Variants in CD6 observed in about 807,000 individuals in gnomAD.
The protein encoded by CD6 is T-cell differentiation antigen CD6.
CD6 carries 53 observed loss-of-function variants against 75.3 expected under a neutral mutation model. The observed-to-expected ratio is 0.70, with a 90% CI of 0.56 to 0.88. The LOEUF is 0.88. Ranked by LOEUF, CD6 falls within the 40% of genes least tolerant of loss-of-function variation. CD6 has a pLI of 0.00. For missense variants in CD6, 770 were observed against 897.1 expected (o/e 0.86, Z 1.81); for synonymous variants, 359 against 381.5 (o/e 0.94, Z 0.69).
intron 1 of CD6, among the ~76,000 whole-genome samples, chr11:60,977,645 C>CT (rs796273504): frequency 6.0e-4 from 91 of 151,232 alleles, no homozygotes; most frequent in African/African-American, 2.0e-3. Context: ...TCTTTCTTTT[C>CT]TTTTTTTTTA....
chr11:61,009,702 G>C lies in CD6; in HGVS notation c.912G>C (p.Gln304His). The change falls in exon 5 of 13, where the codon CAG becomes CAC. Residue 304 changes from glutamine (Q) to histidine (H), a missense_variant. Coordinates refer to ENST00000313421, the MANE Select transcript of CD6 (RefSeq NM_006725.5). Reference sequence around the variant, plus strand: ...CATCGGAGGCCAAGGTGCTCTGCCAGTCCTTGGGCTGTGGAACTGCGGTTG... The same window carrying C: ...CATCGGAGGCCAAGGTGCTCTGCCACTCCTTGGGCTGTGGAACTGCGGTTG... ...WYPSEAKVLC[Q>H]SLGCGTAVER... 1 of 1,614,130 alleles carries C rather than the reference G, an allele frequency of 6.2e-7. No individual in the cohort carries two copies. The highest frequency in any genetic ancestry group is 8.5e-7 in the Non-Finnish European group (1 of 1,180,030).
chr11:61,015,716 T>C lies in CD6; in HGVS notation c.1391T>C (p.Phe464Ser). 6.2e-7 allele frequency: 1 copy of C among 1,614,202 alleles called. No individual in the cohort carries two copies. The highest frequency in any genetic ancestry group is 8.5e-7 in the Non-Finnish European group (1 of 1,180,024). ...PVPITIPKEV[F>S]MLPIQVQAPP... ...CTCGACTCTGTTCTCTCCCCAGTTT[T>C]CATGCTGCCCATCCAGGTCCAGGCC... The change falls in exon 9 of 13, where the codon TTC (phenylalanine) becomes TCC (serine). Residue 464 changes from phenylalanine to serine, a missense_variant. Phe to Ser is a radical substitution (Grantham distance 155). Coordinates refer to ENST00000313421, the MANE Select transcript of CD6 (RefSeq NM_006725.5).
rs1858952455 is a variant in CD6 at position 61,007,986 on chromosome 11, C to T, written c.469+76C>T. On this transcript the variant is annotated intron_variant, in intron 3 of 12. Coordinates refer to ENST00000313421, the MANE Select transcript of CD6 (RefSeq NM_006725.5). The surrounding 1 kb of genome is among the most constrained non-coding windows in gnomAD (Gnocchi z 4.2). ...TTCAGCCACTGCCCCTGGCTCCAGACCCTGGACGCAAGCCTCGCCCTCCAG... is the reference window on the plus strand; with the variant it reads ...TTCAGCCACTGCCCCTGGCTCCAGATCCTGGACGCAAGCCTCGCCCTCCAG... 7.9e-6 allele frequency: 8 copies of T among 1,013,474 alleles called. No individual in the cohort carries two copies. The highest frequency in any genetic ancestry group is 1.0e-5 in the Non-Finnish European group (8 of 770,454). 62.8% of individuals were successfully genotyped at this position (1,013,474 alleles called of 1,614,324 possible).
At chr11:60,984,326 C>T (rs1857705079) in intron 1 of CD6, among the ~76,000 whole-genome samples, 1 of 152,106 alleles carries the variant, frequency 6.6e-6, no homozygotes, top group Non-Finnish European at 1.5e-5. Flanking sequence ...TCTTTGCTGC[C>T]TCCGTGGGAG....
rs1288337495 is a variant in CD6 at position 60,971,837 on chromosome 11, A to C, written c.-29A>C. On this transcript the variant is annotated 5_prime_UTR_variant, in exon 1 of 13. Transcript: ENST00000313421. ...AAGATGGTGCTTCCCACAGGCAGCC[A>C]CGCGTAGCAGCCAGAGACAGCTCCA... 5.0e-6 allele frequency: 8 copies of C among 1,612,078 alleles called. No individual in the cohort carries two copies. The South Asian group carries it at 8.8e-5, about 18-fold the overall frequency.
In CD6 at chr11:61,009,657, G is replaced by A. The variant is rs552297792; in HGVS notation, c.867G>A (p.Val289=). ...ACTTCCGAGGGGTCTGGAACACAGT[G>A]TGTGACAGTGAGTGGTACCCATCGG... is the stretch of plus-strand genomic sequence containing the variant. The part of the protein sequence containing the change: ...EVHFRGVWNT[V]CDSEWYPSEA... Residue 289 remains valine, a synonymous_variant, in exon 5 of 13, where the codon GTG becomes GTA. Transcript: ENST00000313421. 6 of 1,614,082 alleles carry A rather than the reference G, an allele frequency of 3.7e-6. No individual in the cohort carries two copies. The South Asian group carries it at 6.6e-5, about 18-fold the overall frequency.
At chr11:60,993,801 G>T (rs1411602381) in intron 1 of CD6, among the ~76,000 whole-genome samples, 2 of 151,976 alleles carry the variant, frequency 1.3e-5, no homozygotes, top group African/African-American at 2.4e-5. Flanking sequence ...TATCATACCT[G>T]CCCCAGTTCC....
intron 1 of CD6, among the ~76,000 whole-genome samples, chr11:60,987,444 T>A (rs1230993054): frequency 6.6e-6 from 1 of 152,118 alleles, no homozygotes; most frequent in Non-Finnish European, 1.5e-5. Flanking sequence ...CCAAATAAGC[T>A]CACATTCTGG....
chr11:60,987,067 G>T (rs1473321740), intron 1 of CD6, among the ~76,000 whole-genome samples: 1 of 152,180 alleles, frequency 6.6e-6, no homozygotes, highest in Admixed American at 6.5e-5. Context: ...GGCAGAGGTT[G>T]CAGTGAGCCG....
chr11:61,004,693 G>A (rs1354984605), intron 1 of CD6: 1 of 152,268 alleles, frequency 6.6e-6, no homozygotes, highest in African/African-American at 2.4e-5. Flanking sequence ...TATCGGTCAG[G>A]CCGGACTAGG....
chr11:61,015,040 G>A (rs1859336761), intron 8 of CD6, among the ~76,000 whole-genome samples: 1 of 152,192 alleles, frequency 6.6e-6, no homozygotes, highest in African/African-American at 2.4e-5. Context: ...TGCCGGCTCT[G>A]GGCCAGGTAA....
At position 61,007,757 on chromosome 11, in the gene CD6, C is replaced by G. The variant is rs576602370; in HGVS notation, c.316C>G (p.Pro106Ala). Residue 106 changes from proline (P) to alanine (A), a missense_variant, in exon 3 of 13, where the codon CCC becomes GCC. Physicochemically the swap from Pro to Ala is conservative, Grantham distance 27. Transcript: ENST00000313421. This position sits in a 1 kb window ranked among gnomAD's most constrained non-coding sequence, Gnocchi z 4.2. ...QLAPPTPELP[P>A]PPAAGNTSVA... ...CGCCCCGCCGACCCCTGAGCTGCCG[C>G]CCCCGCCTGCAGCCGGGAACACCAG... 59 of 1,455,070 alleles carry G rather than the reference C, an allele frequency of 4.1e-5. No individual in the cohort carries two copies. In the Admixed American group the frequency reaches 6.7e-4, roughly 17 times the overall value. 90.1% of individuals were successfully genotyped at this position (1,455,070 alleles called of 1,614,324 possible). A position where few individuals can be genotyped will look rare whatever the true frequency, so the allele number is the denominator to read the frequency against.
chr11:60,987,731 CTTA>C (rs1228175131), intron 1 of CD6, among the ~76,000 whole-genome samples: 4 of 151,642 alleles, frequency 2.6e-5, no homozygotes, highest in Non-Finnish European at 5.9e-5. Flanking sequence ...CCATCGATTT[CTTA>C]CCCCTGAGAA....
In CD6 at chr11:61,007,029, G is replaced by A. The variant is rs556681523; in HGVS notation, c.118+387G>A. 5.9e-5 allele frequency among the ~76,000 whole-genome samples: 9 copies of A among 152,208 alleles called. No individual in the cohort carries two copies. The South Asian group carries it at 1.7e-3, about 28-fold the overall frequency. On this transcript the variant is annotated intron_variant, in intron 2 of 12. Coordinates refer to ENST00000313421, the MANE Select transcript of CD6 (RefSeq NM_006725.5). This position sits in a 1 kb window ranked among gnomAD's most constrained non-coding sequence, Gnocchi z 4.2. ...AATCCTGGGCTAAAAGGGGCAGGTG[G>A]TTCCCATAGAAGGGGTTCTGGGGAA...
intron 1 of CD6, among the ~76,000 whole-genome samples, chr11:60,980,674 T>C (rs540085035): frequency 1.3e-5 from 2 of 151,514 alleles, no homozygotes; most frequent in African/African-American, 4.9e-5. Context: ...AGTAAAGAAA[T>C]ACAAAAATTA....
chr11:60,974,912 C>T (rs1263550219), intron 1 of CD6, among the ~76,000 whole-genome samples: 5 of 152,258 alleles, frequency 3.3e-5, no homozygotes, highest in East Asian at 3.9e-4. Flanking sequence ...GACACTATGA[C>T]GCAGTAACAA....
chr11:60,993,677 C>A (rs1416377429), intron 1 of CD6, among the ~76,000 whole-genome samples: 2 of 152,164 alleles, frequency 1.3e-5, no homozygotes, highest in Non-Finnish European at 2.9e-5. Context: ...TCCCCAGAGT[C>A]CCTGTCTAAG....
intron 1 of CD6, among the ~76,000 whole-genome samples, chr11:60,973,330 G>A (rs1416056090): frequency 6.6e-6 from 1 of 152,232 alleles, no homozygotes; most frequent in Non-Finnish European, 1.5e-5. Context: ...GCTCAGGGAG[G>A]TCAAACAAAG....
rs781334224 is a variant in CD6, at chr11:61,017,849, C to T, written c.1673C>T (p.Pro558Leu). 1.6e-4 allele frequency: 256 copies of T among 1,613,990 alleles called. No homozygotes were observed. Among genetic ancestry groups the T allele is most frequent in the Non-Finnish European group, 2.0e-4 (235 of 1,180,016 alleles). ...CCATCCCTGGGCCCTCAGTATCACCCGAGGAGCAACAGTGAGTCGAGCACC... is the reference window on the plus strand; with the variant it reads ...CCATCCCTGGGCCCTCAGTATCACCTGAGGAGCAACAGTGAGTCGAGCACC... ...DPPSLGPQYH[P>L]RSNSESSTSS... The change falls in exon 11 of 13, where the codon CCG becomes CTG. Residue 558 changes from proline to leucine, a missense_variant. By Grantham distance (98) the Pro-to-Leu change is moderately conservative. Coordinates refer to ENST00000313421, the MANE Select transcript of CD6 (RefSeq NM_006725.5).
Sources: allele counts gnomAD v4.1 joint callset (sites outside exome capture counted in the v4.1 genomes callset), GRCh38; gene constraint gnomAD v4.1.1; non-coding constraint Gnocchi (gnomAD v3.1); transcripts MANE v1.5; gene names NCBI Gene and HGNC (gene_info 2026-07-23, HGNC 2026-07-21).